The following PDE4D variants were observed in gnomAD, a reference collection of about 807,000 sequenced individuals.
PDE4D encodes the protein phosphodiesterase 4D, also known as 3',5'-cyclic-AMP phosphodiesterase 4D.
A neutral mutation model predicts 87.4 loss-of-function variants in PDE4D; 24 were observed. The observed-to-expected ratio is 0.27, with a 90% CI of 0.20 to 0.39. PDE4D has a LOEUF of 0.39. PDE4D is among the 10% of genes least tolerant of loss of function. PDE4D has a pLI of 1.00. For missense variants in PDE4D, 714 were observed against 1,041.0 expected, an observed-to-expected ratio of 0.69 and a Z score of 4.32; for synonymous variants, 384 against 383.2, an observed-to-expected ratio of 1.00 and a Z score of -0.02.
chr5:59,923,835 C>T (rs1417138303), intron 3 of PDE4D, among the ~76,000 whole-genome samples: 4 of 152,198 alleles, frequency 2.6e-5, no homozygotes, highest in Admixed American at 6.5e-5. Context: ...CTGATGAACA[C>T]GCACAAGCAT....
At chr5:59,395,517 G>A (rs1298809595) in intron 1 of PDE4D, among the ~76,000 whole-genome samples, 1 of 151,946 alleles carries the variant, frequency 6.6e-6, no homozygotes, top group Non-Finnish European at 1.5e-5. Flanking sequence ...CTGCAGCTGA[G>A]GGTCCTGTCT....
At chr5:59,537,998 TG>T (rs986343809) in intron 1 of PDE4D, among the ~76,000 whole-genome samples, 72 of 152,344 alleles carry the variant, frequency 4.7e-4, no homozygotes, top group African/African-American at 1.7e-3. Context: ...GTGCTCAAAT[TG>T]GGGTTAGACC....
chr5:59,172,300 AAT>A lies in PDE4D; in HGVS notation c.808+8293_808+8294del, dbSNP rs1229279483. ...ATAAGAAATATATATTTATATAAGA[AAT>A]ATATATAATTTTATAAAATATATAA... On this transcript the variant is annotated intron_variant, in intron 5 of 14. Transcript: ENST00000340635. Among the ~76,000 whole-genome samples, 12 of 132,068 alleles carry A rather than the reference AAT, an allele frequency of 9.1e-5. No individual in the cohort carries two copies. The East Asian group carries it at 1.2e-3, about 14-fold the overall frequency. The allele number at this position is 132,068 out of a possible 152,430, so 86.6% of individuals were successfully genotyped here.
chr5:60,095,420 T>C (rs565734310), intron 2 of PDE4D, among the ~76,000 whole-genome samples: 1 of 152,350 alleles, frequency 6.6e-6, no homozygotes, highest in African/African-American at 2.4e-5. Context: ...ATGGTGTATA[T>C]GTGCCACATT....
rs374350744 is a variant in PDE4D at position 60,423,229 on chromosome 5, T to A, written c.-90+64713A>T. On this transcript the variant is annotated intron_variant, in intron 1 of 16. Transcript: ENST00000502484. ...TCTACAGAACTCTCCACCCCAAATC[T>A]ACAGAATATACATTCTTCTCAGGAC... Among the ~76,000 whole-genome samples the A allele has an allele frequency of 1.1e-4, 16 of 152,180 alleles. No individual in the cohort carries two copies. In the East Asian group the frequency reaches 2.1e-3, roughly 20 times the overall value.
intron 1 of PDE4D, among the ~76,000 whole-genome samples, chr5:60,302,245 A>G (rs947838754): frequency 6.6e-6 from 1 of 152,196 alleles, no homozygotes; most frequent in African/African-American, 2.4e-5. Flanking sequence ...CAGAAATAGT[A>G]CCAGCTCTTC....
chr5:59,306,535 A>C (rs1771409617), intron 1 of PDE4D, among the ~76,000 whole-genome samples: 1 of 152,148 alleles, frequency 6.6e-6, no homozygotes, highest in Non-Finnish European at 1.5e-5. Context: ...GGTTCTGTGC[A>C]AAAATCACAA....
chr5:60,165,469 G>A (rs1052794358), intron 2 of PDE4D, among the ~76,000 whole-genome samples: 2 of 151,966 alleles, frequency 1.3e-5, no homozygotes, highest in African/African-American at 4.8e-5. Context: ...TGTGCTTTCT[G>A]CTCAATAATA....
At chr5:59,424,278 G>T (rs978216262) in intron 1 of PDE4D, among the ~76,000 whole-genome samples, 5 of 152,210 alleles carry the variant, frequency 3.3e-5, no homozygotes, top group African/African-American at 1.2e-4. Flanking sequence ...GAAGTAGGGA[G>T]AATTAGAACA....
At position 59,224,006 on chromosome 5, in the gene PDE4D, C is replaced by T. The variant is rs576075456; in HGVS notation, c.456-8038G>A. Among the ~76,000 whole-genome samples, 8 of 150,440 alleles carry T rather than the reference C, an allele frequency of 5.3e-5. 1 individual carries two copies. In the Admixed American group the frequency reaches 5.4e-4, roughly 10 times the overall value. On this transcript the variant is annotated intron_variant, in intron 1 of 14. Coordinates refer to ENST00000340635, the MANE Select transcript of PDE4D (RefSeq NM_001104631.2). ...GATTTTTATAAACAAAAGCCCAGGG[C>T]TGGGCATGGTGGCTCACACTTGTAA...
chr5:59,248,965 A>T (rs1481798988), intron 1 of PDE4D, among the ~76,000 whole-genome samples: 2 of 152,158 alleles, frequency 1.3e-5, no homozygotes, highest in African/African-American at 4.8e-5. Context: ...TTATTAAAGC[A>T]AAGAAAGAAG....
chr5:59,526,789 A>AT lies in PDE4D; in HGVS notation c.456-310822dup, dbSNP rs535290590. 2.7e-3 allele frequency among the ~76,000 whole-genome samples: 407 copies of AT among 151,562 alleles called. 2 individuals are homozygous for AT. Among genetic ancestry groups the AT allele is most frequent in the African/African-American group, 9.2e-3 (380 of 41,330 alleles). On this transcript the variant is annotated intron_variant, in intron 1 of 14. Coordinates refer to ENST00000340635, the MANE Select transcript of PDE4D (RefSeq NM_001104631.2). ...CATGTGCATGCCACCATGCTTGGCT[A>AT]TTTTTTTTGTATTTTTTGTACATAT...
chr5:59,857,199 C>T (rs971573186), intron 1 of PDE4D, among the ~76,000 whole-genome samples: 1 of 152,156 alleles, frequency 6.6e-6, no homozygotes, highest in South Asian at 2.1e-4. Flanking sequence ...CTCCCTTATG[C>T]CCTTGGTCAA....
intron 1 of PDE4D, among the ~76,000 whole-genome samples, chr5:59,342,813 T>C (rs1778961364): frequency 6.6e-6 from 1 of 152,166 alleles, no homozygotes; most frequent in Non-Finnish European, 1.5e-5. Flanking sequence ...TAAAAATATT[T>C]AACTGACAAA....
intron 1 of PDE4D, among the ~76,000 whole-genome samples, chr5:59,338,940 CTTATGAAATATG>C (rs1778229705): frequency 6.6e-6 from 1 of 152,162 alleles, no homozygotes. Context: ...ATGAAAATAT[CTTATGAAATATG>C]TTATGAAACT....
intron 1 of PDE4D, among the ~76,000 whole-genome samples, chr5:60,302,724 C>T (rs1167990223): frequency 6.6e-6 from 1 of 152,108 alleles, no homozygotes; most frequent in Non-Finnish European, 1.5e-5. Flanking sequence ...GTTTTGTTTG[C>T]TCTTGATTCT....
chr5:59,228,222 G>A (rs570474523), intron 1 of PDE4D, among the ~76,000 whole-genome samples: 2 of 152,154 alleles, frequency 1.3e-5, no homozygotes, highest in South Asian at 4.2e-4. Flanking sequence ...CAGACAGAAA[G>A]AGAGGAACAA....
intron 1 of PDE4D, among the ~76,000 whole-genome samples, chr5:59,390,408 T>C (rs1788005191): frequency 6.6e-6 from 1 of 152,156 alleles, no homozygotes; most frequent in South Asian, 2.1e-4. Flanking sequence ...TGACAAAGTA[T>C]ATGTTAATGT....
chr5:59,916,954 ATTTTTTTTTTTTTT>A (rs750105496), intron 3 of PDE4D, among the ~76,000 whole-genome samples: 13 of 73,640 alleles, frequency 1.8e-4, no homozygotes, highest in East Asian at 1.3e-3. Flanking sequence ...TGCCCGGCTA[ATTTTTTTTTTTTTT>A]TTTTTTTTTT....
Sources: gnomAD v4.1 joint callset for allele counts (sites outside exome capture counted in the v4.1 genomes callset) on GRCh38, gnomAD v4.1.1 for gene constraint, MANE v1.5 for transcripts, NCBI Gene and HGNC (gene_info 2026-07-23, HGNC 2026-07-21) for gene names.